The following FGF14 variants were observed in gnomAD, a reference collection of about 807,000 sequenced individuals.
FGF14 encodes fibroblast growth factor 14.
Under a neutral mutation model 25.5 loss-of-function variants are expected in FGF14, and 5 were observed. The ratio of observed to expected loss-of-function variants is 0.20; its 90% CI spans 0.10 to 0.41. The LOEUF (loss-of-function observed/expected upper bound fraction) is 0.41, where lower values mean the gene tolerates loss of function less well. Among genes scored for constraint, FGF14 ranks in the 10% least tolerant of loss-of-function variants. The pLI is 1.00. For synonymous variants in FGF14, 138 were observed against 118.3 expected (o/e 1.17, Z -1.08); for missense variants, 222 against 320.1 (o/e 0.69, Z 2.34).
intron 1 of FGF14, among the ~76,000 whole-genome samples, chr13:102,238,393 C>T (rs1368900716): frequency 2.6e-5 from 4 of 152,144 alleles, no homozygotes; most frequent in East Asian, 1.9e-4. Context: ...TTTATTGCAG[C>T]GATATTTGTT....
intron 1 of FGF14, among the ~76,000 whole-genome samples, chr13:102,255,735 G>A (rs2052406014): frequency 6.6e-6 from 1 of 152,168 alleles, no homozygotes; most frequent in Non-Finnish European, 1.5e-5. Flanking sequence ...AGACACTTAT[G>A]CTGGCAGAAA....
At chr13:101,939,613 TTGAG>T (rs1264821090) in intron 1 of FGF14, among the ~76,000 whole-genome samples, 2 of 152,220 alleles carry the variant, frequency 1.3e-5, no homozygotes, top group Non-Finnish European at 2.9e-5. Context: ...GATTTGCATC[TTGAG>T]TAACAAAGTT....
At chr13:101,911,047 G>A (rs1037514868) in intron 1 of FGF14, among the ~76,000 whole-genome samples, 1 of 151,590 alleles carries the variant, frequency 6.6e-6, no homozygotes, top group Non-Finnish European at 1.5e-5. Flanking sequence ...ATAACTAAGT[G>A]GATAAATCAT....
At chr13:101,748,626 A>C (rs2037053939) in intron 3 of FGF14, among the ~76,000 whole-genome samples, 1 of 151,814 alleles carries the variant, frequency 6.6e-6, no homozygotes, top group African/African-American at 2.4e-5. Flanking sequence ...CCTAAATTAT[A>C]CAAATTAAAA....
At chr13:102,266,387 A>G (rs970185186) in intron 1 of FGF14, among the ~76,000 whole-genome samples, 1 of 152,162 alleles carries the variant, frequency 6.6e-6, no homozygotes, top group Non-Finnish European at 1.5e-5. Context: ...ATCAGTGATA[A>G]GCAAACTCTA....
chr13:102,184,139 G>C (rs2048787953), intron 1 of FGF14, among the ~76,000 whole-genome samples: 2 of 152,188 alleles, frequency 1.3e-5, no homozygotes, highest in African/African-American at 4.8e-5. Flanking sequence ...ACACAGCTGT[G>C]GGTAAGAGAA....
At chr13:102,356,426 A>G (rs922104031) in intron 1 of FGF14, among the ~76,000 whole-genome samples, 2 of 152,244 alleles carry the variant, frequency 1.3e-5, no homozygotes, top group African/African-American at 4.8e-5. Flanking sequence ...TAGGATTCAG[A>G]AAGTTAATGC....
At chr13:101,973,085 G>A (rs2037704588) in intron 1 of FGF14, among the ~76,000 whole-genome samples, 1 of 149,214 alleles carries the variant, frequency 6.7e-6, no homozygotes, top group Admixed American at 6.7e-5. Flanking sequence ...TCTCATAGCT[G>A]TCTCTAGCTG....
intron 3 of FGF14, among the ~76,000 whole-genome samples, chr13:101,785,032 A>G (rs1021571293): frequency 6.6e-6 from 1 of 152,140 alleles, no homozygotes; most frequent in Non-Finnish European, 1.5e-5. Context: ...CCAACCCCAG[A>G]TCTGCTAAAA....
chr13:101,748,747 T>TAA lies in FGF14; in HGVS notation c.409-21939_409-21938dup, dbSNP rs55785965. On this transcript the variant is annotated intron_variant, in intron 3 of 4. Transcript: ENST00000376143. ...CTAAGGAAAAGAGTATGGAGGTTTC[T>TAA]AAAAAAAAAAAAAAAAAAAAAAAAA... is the stretch of plus-strand genomic sequence containing the variant. Among the ~76,000 whole-genome samples the TAA allele has an allele frequency of 1.9e-3, 131 of 70,720 alleles. 3 individuals are homozygous for TAA. Among genetic ancestry groups the TAA allele is most frequent in the African/African-American group, 6.1e-3 (114 of 18,570 alleles). 46.4% of individuals were successfully genotyped at this position (70,720 alleles called of 152,430 possible). A position where few individuals can be genotyped will look rare whatever the true frequency, so the allele number is the denominator to read the frequency against.
rs1015645328 is a variant in FGF14 at position 102,400,215 on chromosome 13, C to T, written c.208+1256G>A. Among the ~76,000 whole-genome samples the T allele has an allele frequency of 6.6e-6, 1 of 152,148 alleles. No homozygotes were observed. The highest frequency in any genetic ancestry group is 2.4e-5 in the African/African-American group (1 of 41,434). The stretch of plus-strand genomic sequence containing the variant: ...TGGGGCTCTGGGTGCCAGTGCGGCC[C>T]CCGGCAGAGCCCAGGGCGTCAGGGA... On this transcript the variant is annotated intron_variant, in intron 1 of 4. Coordinates refer to the FGF14 transcript ENST00000376131. The surrounding 1 kb of genome is among the most constrained non-coding windows in gnomAD (Gnocchi z 4.3).
intron 1 of FGF14, among the ~76,000 whole-genome samples, chr13:102,383,711 T>C (rs77964099): frequency 0.031 from 4,727 of 152,018 alleles, 249 homozygotes; most frequent in African/African-American, 0.11. Flanking sequence ...AGCTCCAGGA[T>C]TGACCATCCC....
chr13:101,996,066 GAT>G (rs2039165864), intron 1 of FGF14, among the ~76,000 whole-genome samples: 1 of 152,074 alleles, frequency 6.6e-6, no homozygotes, highest in African/African-American at 2.4e-5. Flanking sequence ...CATTCTCCAT[GAT>G]ATGTTTATTT....
At chr13:102,308,928 A>C (rs2138653362) in intron 1 of FGF14, among the ~76,000 whole-genome samples, 1 of 150,674 alleles carries the variant, frequency 6.6e-6, no homozygotes, top group South Asian at 2.1e-4. Context: ...AAAAAAAAAA[A>C]AAAAAACACA....
chr13:101,860,629 T>C (rs1198339973), intron 3 of FGF14, among the ~76,000 whole-genome samples: 2 of 152,072 alleles, frequency 1.3e-5, no homozygotes, highest in East Asian at 3.9e-4. Flanking sequence ...CAGGCTGGAG[T>C]GCAGTGGTGT....
chr13:102,219,641 A>T (rs1167826251), intron 1 of FGF14, among the ~76,000 whole-genome samples: 1 of 152,214 alleles, frequency 6.6e-6, no homozygotes, highest in Non-Finnish European at 1.5e-5. Context: ...GGTGGGGTTC[A>T]GCTGTTGAAA....
chr13:101,984,540 G>A (rs1414737743), intron 1 of FGF14, among the ~76,000 whole-genome samples: 1 of 152,062 alleles, frequency 6.6e-6, no homozygotes, highest in African/African-American at 2.4e-5. Flanking sequence ...ATTTCCAACT[G>A]TAATTTTTAA....
upstream of FGF14, among the ~76,000 whole-genome samples, chr13:101,917,777 G>C (rs1055502311): frequency 6.6e-6 from 1 of 152,200 alleles, no homozygotes; most frequent in Non-Finnish European, 1.5e-5. Context: ...AATGGAAAGA[G>C]AGAAGGTGTG....
chr13:101,981,543 G>T (rs937367463), intron 1 of FGF14, among the ~76,000 whole-genome samples: 1 of 152,096 alleles, frequency 6.6e-6, no homozygotes, highest in African/African-American at 2.4e-5. Flanking sequence ...AGTTAGGTGG[G>T]GCCTAACCAA....
Sources: allele counts gnomAD v4.1 joint callset (sites outside exome capture counted in the v4.1 genomes callset), GRCh38; gene constraint gnomAD v4.1.1; non-coding constraint Gnocchi (gnomAD v3.1); transcripts MANE v1.5; gene names NCBI Gene and HGNC (gene_info 2026-07-23, HGNC 2026-07-21).